Variants in AGBL4 observed in about 807,000 individuals in gnomAD.
AGBL4 encodes the protein cytosolic carboxypeptidase 6.
Under a neutral mutation model 66.4 loss-of-function variants are expected in AGBL4, and 58 were observed. That is an observed-to-expected ratio of 0.87 (90% CI 0.71 to 1.09). The LOEUF is 1.09. Among genes scored for constraint, AGBL4 ranks in the 50% least tolerant of loss-of-function variants. AGBL4 has a pLI of 0.00. For missense variants in AGBL4, 579 were observed against 631.0 expected, an observed-to-expected ratio of 0.92 and a Z score of 0.88; for synonymous variants, 234 against 222.9, an observed-to-expected ratio of 1.05 and a Z score of -0.44.
chr1:49,750,476 G>A (rs538637384), intron 2 of AGBL4, among the ~76,000 whole-genome samples: 6 of 152,288 alleles, frequency 3.9e-5, no homozygotes, highest in South Asian at 2.1e-4. Flanking sequence ...CCTGTACCAC[G>A]CTGTTTGGGT....
At chr1:49,507,614 A>G (rs1258755204) in intron 3 of AGBL4, among the ~76,000 whole-genome samples, 3 of 152,002 alleles carry the variant, frequency 2.0e-5, no homozygotes, top group East Asian at 3.9e-4. Context: ...AGGTTATTCA[A>G]TTGAGAACTT....
At chr1:49,470,440 T>C (rs764895121) in intron 3 of AGBL4, among the ~76,000 whole-genome samples, 3 of 151,992 alleles carry the variant, frequency 2.0e-5, no homozygotes, top group Non-Finnish European at 2.9e-5. Context: ...AACAATAAGA[T>C]AGATACCAAA....
chr1:48,880,332 C>T (rs1649659127), intron 5 of AGBL4, among the ~76,000 whole-genome samples: 1 of 152,096 alleles, frequency 6.6e-6, no homozygotes, highest in Non-Finnish European at 1.5e-5. Flanking sequence ...TTCCATCATA[C>T]ATATATATAC....
chr1:48,966,805 A>G (rs911866508), intron 5 of AGBL4, among the ~76,000 whole-genome samples: 1 of 152,098 alleles, frequency 6.6e-6, no homozygotes, highest in Non-Finnish European at 1.5e-5. Context: ...GTTTAAAGGC[A>G]TCTTACACAA....
rs968805533 is a variant in AGBL4, at chr1:49,518,852, C to T, written c.282+178461G>A. ...TAACTAAAAGCAGGCCAATAAACTA[C>T]GATTTAGTACAGATCATTTGGAGAT... is the stretch of plus-strand genomic sequence containing the variant. On this transcript the variant is annotated intron_variant, in intron 3 of 13. Coordinates refer to ENST00000371839, the MANE Select transcript of AGBL4 (RefSeq NM_032785.4). 5.3e-5 allele frequency among the ~76,000 whole-genome samples: 8 copies of T among 152,022 alleles called. No individual in the cohort carries two copies. In the East Asian group the frequency reaches 7.7e-4, roughly 15 times the overall value.
intron 3 of AGBL4, among the ~76,000 whole-genome samples, chr1:49,514,455 T>C (rs1230831513): frequency 6.6e-6 from 1 of 151,908 alleles, no homozygotes; most frequent in Non-Finnish European, 1.5e-5. Context: ...AAAATGGCCA[T>C]ACTGCCCAAG....
At chr1:49,400,412 G>T (rs1645059983) in intron 3 of AGBL4, among the ~76,000 whole-genome samples, 1 of 151,640 alleles carries the variant, frequency 6.6e-6, no homozygotes, top group South Asian at 2.1e-4. Flanking sequence ...TTCTATTTCA[G>T]TGAAAAATGT....
intron 4 of AGBL4, among the ~76,000 whole-genome samples, chr1:49,100,623 G>C (rs867971530): frequency 6.6e-6 from 1 of 152,296 alleles, no homozygotes; most frequent in African/African-American, 2.4e-5. Flanking sequence ...GATCCTGAAG[G>C]CTGCATGCCT....
chr1:49,789,344 T>A (rs1644537288), intron 2 of AGBL4, among the ~76,000 whole-genome samples: 1 of 152,122 alleles, frequency 6.6e-6, no homozygotes, highest in Non-Finnish European at 1.5e-5. Context: ...ATAAAAATGA[T>A]GCTGGAAACA....
At chr1:49,775,907 T>C (rs11800910) in intron 2 of AGBL4, among the ~76,000 whole-genome samples, 2 of 152,134 alleles carry the variant, frequency 1.3e-5, no homozygotes, top group African/African-American at 4.8e-5. Context: ...GAGATCTGGG[T>C]TCAAATCACA....
chr1:48,873,199 T>C (rs1648862201), intron 5 of AGBL4, among the ~76,000 whole-genome samples: 2 of 152,192 alleles, frequency 1.3e-5, no homozygotes, highest in African/African-American at 4.8e-5. Flanking sequence ...GCTTTTGCCT[T>C]CCATCTCTTG....
At chr1:49,250,440 ATTTTT>A (rs1242148895) in intron 3 of AGBL4, among the ~76,000 whole-genome samples, 2 of 122,712 alleles carry the variant, frequency 1.6e-5, no homozygotes, top group African/African-American at 3.1e-5. Flanking sequence ...ACAGGAACTA[ATTTTT>A]TTTTTTTTTT....
intron 3 of AGBL4, among the ~76,000 whole-genome samples, chr1:49,513,045 C>T (rs1339910167): frequency 6.6e-6 from 1 of 151,940 alleles, no homozygotes; most frequent in Non-Finnish European, 1.5e-5. Flanking sequence ...AAAAGAGAAA[C>T]TTGAAGAAGA....
chr1:49,052,279 T>G (rs1438938719), intron 4 of AGBL4, among the ~76,000 whole-genome samples: 1 of 152,176 alleles, frequency 6.6e-6, no homozygotes, highest in Non-Finnish European at 1.5e-5. Flanking sequence ...CTATGGTGGC[T>G]GCTGGCAGAA....
chr1:49,096,399 T>C (rs1421100083), intron 4 of AGBL4, among the ~76,000 whole-genome samples: 2 of 152,038 alleles, frequency 1.3e-5, no homozygotes, highest in Non-Finnish European at 1.5e-5. Flanking sequence ...CGTATGTTTA[T>C]TGCGGCACTA....
At chr1:49,044,106 T>C (rs1644014718) in intron 5 of AGBL4, among the ~76,000 whole-genome samples, 1 of 152,200 alleles carries the variant, frequency 6.6e-6, no homozygotes, top group African/African-American at 2.4e-5. Flanking sequence ...TTATTCTTTA[T>C]TAGCAACCAA....
intron 5 of AGBL4, among the ~76,000 whole-genome samples, chr1:48,890,701 G>C (rs945984300): frequency 7.2e-5 from 11 of 152,192 alleles, no homozygotes; most frequent in African/African-American, 2.2e-4. Context: ...TTCCCAAATA[G>C]AGAAGGGAAT....
intron 4 of AGBL4, among the ~76,000 whole-genome samples, chr1:49,229,393 A>G (rs1650141390): frequency 6.6e-6 from 1 of 152,232 alleles, no homozygotes; most frequent in Non-Finnish European, 1.5e-5. Context: ...GGAAGGAAAG[A>G]ACTAATACAA....
At chr1:49,730,501 A>G (rs1341346600) in intron 2 of AGBL4, among the ~76,000 whole-genome samples, 1 of 152,064 alleles carries the variant, frequency 6.6e-6, no homozygotes, top group Non-Finnish European at 1.5e-5. Context: ...AGACAGAACT[A>G]TGGCATTCCC....
Sources: gnomAD v4.1 joint callset for allele counts (sites outside exome capture counted in the v4.1 genomes callset) on GRCh38, gnomAD v4.1.1 for gene constraint, MANE v1.5 for transcripts, NCBI Gene and HGNC (gene_info 2026-07-23, HGNC 2026-07-21) for gene names.